MED14: variants seen among roughly 807,000 people sequenced by gnomAD.
MED14 encodes the protein mediator of RNA polymerase II transcription subunit 14.
A neutral mutation model predicts 109.0 loss-of-function variants in MED14; 8 were observed. The ratio of observed to expected loss-of-function variants is 0.07; its 90% confidence interval spans 0.04 to 0.13. MED14 has a LOEUF of 0.13. Among genes scored for constraint, MED14 ranks in the 10% least tolerant of loss-of-function variants. MED14 has a pLI of 1.00. For missense variants in MED14, 711 were observed against 1,142.4 expected (o/e 0.62, Z 5.44); for synonymous variants, 399 against 408.7 (o/e 0.98, Z 0.29).
intron 3 of MED14, among the ~76,000 whole-genome samples, chrX:40,721,983 C>A (rs1328521757): frequency 9.0e-6 from 1 of 111,363 alleles, no homozygotes; most frequent in Non-Finnish European, 1.9e-5. Context: ...ATCTAGAAAG[C>A]CTCCTCAAGA....
chrX:40,677,790 T>C lies in MED14; in HGVS notation c.2880+2074A>G, dbSNP rs748450399. Among the ~76,000 whole-genome samples the C allele has an allele frequency of 1.7e-4, 19 of 111,285 alleles. 1 individual carries two copies. The Middle Eastern group carries it at 0.014, about 81-fold the overall frequency. ...ACAATGGAGATGAACCAAGAAATAG[T>C]GCAAGGAAATTTCCCAAAGCAAAAG... On this transcript the variant is annotated intron_variant, in intron 21 of 30. Coordinates refer to ENST00000324817, the MANE Select transcript of MED14 (RefSeq NM_004229.4).
chrX:40,672,905 A>G (rs1290274091), intron 22 of MED14, among the ~76,000 whole-genome samples: 1 of 112,259 alleles, frequency 8.9e-6, no homozygotes, highest in African/African-American at 3.2e-5. Context: ...TGTAAGCCAT[A>G]CTAACTTGTT....
rs1025891255 is a variant in MED14, at chrX:40,723,411, A to G, written c.348+3335T>C. Reference sequence around the variant, plus strand: ...CCGGGCGCGGTGGCTCACGCCTGTAATCCCAGCACTTTGAGAAGCCGAGGC... The same window carrying G: ...CCGGGCGCGGTGGCTCACGCCTGTAGTCCCAGCACTTTGAGAAGCCGAGGC... On this transcript the variant is annotated intron_variant, in intron 3 of 30. Coordinates refer to ENST00000324817, the MANE Select transcript of MED14 (RefSeq NM_004229.4). 3.6e-5 allele frequency among the ~76,000 whole-genome samples: 4 copies of G among 111,195 alleles called. No homozygotes were observed. In the Admixed American group the frequency reaches 3.8e-4, roughly 11 times the overall value.
chrX:40,693,002 T>C (rs1930586677), intron 13 of MED14, 100 bp from the exon 14 acceptor site: 1 of 538,851 alleles, frequency 1.9e-6, no homozygotes, highest in African/African-American at 2.6e-5. Flanking sequence ...AAATCTAATG[T>C]AGATGTCTTA....
At chrX:40,683,129 C>A in intron 16 of MED14, 133 bp from the exon 17 acceptor site, 1 of 456,450 alleles carries the variant, frequency 2.2e-6, no homozygotes, top group Non-Finnish European at 3.6e-6. Context: ...AAGGAGGAAG[C>A]AATTCACAGC....
At chrX:40,674,114 T>C (rs758174732) in intron 22 of MED14, among the ~76,000 whole-genome samples, 1 of 111,092 alleles carries the variant, frequency 9.0e-6, no homozygotes, top group Non-Finnish European at 1.9e-5. Context: ...TGGGCCAAGG[T>C]ACTTCTCTCC....
chrX:40,670,588 C>T (rs1008352983), intron 23 of MED14, among the ~76,000 whole-genome samples: 24 of 109,429 alleles, frequency 2.2e-4, no homozygotes, highest in African/African-American at 8.0e-4. Context: ...GGTGAAACCC[C>T]GTCTCTACTA....
Position 40,679,884 on chromosome X carries a change from A to G in MED14, c.2860T>C (p.Tyr954His), listed in dbSNP as rs149954074. ...FDNSKLVEGF[Y>H]PAPGLKTFLN... ...GTTACCTTTAGTCCTGGTGCAGGATAGAAACCTTCAACTAGTTTGCTGTTA... is the reference window on the plus strand; with the variant it reads ...GTTACCTTTAGTCCTGGTGCAGGATGGAAACCTTCAACTAGTTTGCTGTTA... Residue 954 changes from tyrosine (Y) to histidine (H), a missense_variant, in exon 21 of 31, where the codon TAT becomes CAT. This residue lies in a region of MED14 where 29 missense variants were observed against 102.4 expected (regional missense o/e 0.28). Coordinates refer to ENST00000324817, the MANE Select transcript of MED14 (RefSeq NM_004229.4). 1.5e-3 allele frequency: 1,760 copies of G among 1,210,116 alleles called. 3 individuals are homozygous for G. The highest frequency in any genetic ancestry group is 1.7e-3 in the Non-Finnish European group (1,540 of 895,106).
chrX:40,674,209 G>T (rs959900649), intron 22 of MED14, among the ~76,000 whole-genome samples: 2 of 111,722 alleles, frequency 1.8e-5, no homozygotes, highest in Non-Finnish European at 3.8e-5. Flanking sequence ...GCTACACAGA[G>T]ACATTCGCAT....
intron 24 of MED14, among the ~76,000 whole-genome samples, chrX:40,665,582 C>A (rs1234066018): frequency 1.8e-5 from 2 of 111,759 alleles, no homozygotes; most frequent in Admixed American, 1.9e-4. Context: ...AAAAAAGGTT[C>A]AATTTTCTTC....
intron 13 of MED14, among the ~76,000 whole-genome samples, chrX:40,696,025 G>A (rs373872578): frequency 4.5e-5 from 5 of 110,422 alleles, no homozygotes; most frequent in South Asian, 3.8e-4. Flanking sequence ...CTCCTGCCTC[G>A]GCCTCCCAAA....
At chrX:40,701,102 A>G in intron 12 of MED14, 63 bp downstream of exon 12, 1 of 830,018 alleles carries the variant, frequency 1.2e-6, no homozygotes, top group Non-Finnish European at 1.8e-6. Flanking sequence ...ATGATGGAGA[A>G]GAAAACATAT....
At position 40,735,280 on chromosome X, in the gene MED14, C is replaced by G. The variant is rs759397844; in HGVS notation, c.133G>C (p.Ala45Pro). Reference sequence around the variant, plus strand: ...GTGCTCAGCCGGTAGCCCGGGCTAGCCGCAGCTGCAGCGGCCGCCGCCACG... The same window carrying G: ...GTGCTCAGCCGGTAGCCCGGGCTAGGCGCAGCTGCAGCGGCCGCCGCCACG... ...AAVAAAAAAAASPGYRLSTLI... is the reference protein window; with the variant it reads ...AAVAAAAAAAPSPGYRLSTLI... The change falls in exon 1 of 31, where the codon GCT (alanine) becomes CCT (proline). Residue 45 changes from alanine (A) to proline (P), a missense_variant. By Grantham distance (27) the Ala-to-Pro change is conservative (BLOSUM62 -1). This residue lies in a region of MED14 where 62 missense variants were observed against 55.2 expected (regional missense o/e 1.12). Transcript: ENST00000324817. The G allele has an allele frequency of 8.8e-7, 1 of 1,138,889 alleles. No individual in the cohort carries two copies. 93.9% of individuals were successfully genotyped at this position (1,138,889 alleles called of 1,213,427 possible).
chrX:40,715,472 A>G (rs1334010070), intron 3 of MED14, among the ~76,000 whole-genome samples: 2 of 111,211 alleles, frequency 1.8e-5, no homozygotes, highest in African/African-American at 6.5e-5. Flanking sequence ...ACTAGAAGAA[A>G]GCATTGGAAA....
At chrX:40,728,521 A>G (rs1406476135) in intron 2 of MED14, among the ~76,000 whole-genome samples, 1 of 110,598 alleles carries the variant, frequency 9.0e-6, no homozygotes, top group Non-Finnish European at 1.9e-5. Context: ...AAAAGTTGCC[A>G]AGTGATTTGG....
chrX:40,679,728 C>T lies in MED14; in HGVS notation c.2880+136G>A, dbSNP rs1260930041. 10 of 542,294 alleles carry T rather than the reference C, an allele frequency of 1.8e-5. No homozygotes were observed. In the East Asian group the frequency reaches 2.5e-4, roughly 14 times the overall value. The allele number at this position is 542,294 out of a possible 1,213,427, so 44.7% of individuals were successfully genotyped here. On this transcript the variant is annotated intron_variant, in intron 21 of 30. Coordinates refer to ENST00000324817, the MANE Select transcript of MED14 (RefSeq NM_004229.4). ...CTAGCTCCTTCAGAATGACGTTATA[C>T]AGATGATGAGTTAACACTGCTACTT... is the stretch of plus-strand genomic sequence containing the variant.
intron 13 of MED14, among the ~76,000 whole-genome samples, chrX:40,695,939 T>C (rs1427872326): frequency 9.0e-6 from 1 of 111,253 alleles, no homozygotes; most frequent in Non-Finnish European, 1.9e-5. Context: ...AATTAAAATT[T>C]TTATTTTATT....
Position 40,654,359 on chromosome X carries a change from T to C in MED14, c.4291+5A>G, listed in dbSNP as rs750505923. The C allele has an allele frequency of 5.0e-6, 6 of 1,209,744 alleles. No homozygotes were observed. In the Admixed American group the frequency reaches 1.3e-4, roughly 26 times the overall value. ...GCAATAAAATATTGTCTACTGGTCA[T>C]GTACCTTGTCGTGGTGGATTCATCT... On this transcript the variant is annotated splice_donor_5th_base_variant and intron_variant, in intron 30 of 30. Coordinates refer to ENST00000324817, the MANE Select transcript of MED14 (RefSeq NM_004229.4).
intron 15 of MED14, among the ~76,000 whole-genome samples, chrX:40,690,283 C>A (rs764551112): frequency 9.0e-6 from 1 of 111,366 alleles, no homozygotes; most frequent in Non-Finnish European, 1.9e-5. Context: ...ATTTTAGGTG[C>A]CTGTTTCTAG....
Sources: gnomAD v4.1 joint callset for allele counts (sites outside exome capture counted in the v4.1 genomes callset) on GRCh38, gnomAD v4.1.1 for gene constraint, gnomAD v4.1.1 regional missense constraint, MANE v1.5 for transcripts, NCBI Gene and HGNC (gene_info 2026-07-23, HGNC 2026-07-21) for gene names.